The following SASH1 variants were observed in gnomAD, a reference collection of about 807,000 sequenced individuals.
The protein encoded by SASH1 is SAM and SH3 domain-containing protein 1.
Under a neutral mutation model 125.2 loss-of-function variants are expected in SASH1, and 44 were observed. The ratio of observed to expected loss-of-function variants is 0.35; its 90% CI spans 0.28 to 0.45. SASH1 has a LOEUF of 0.45. Ranked by LOEUF, SASH1 falls within the 20% of genes least tolerant of loss-of-function variation. The probability of loss-of-function intolerance (pLI) is 1.00; values close to 1 mark genes in which losing one functional copy is unlikely to be tolerated. For missense variants in SASH1, 1,426 were observed against 1,614.5 expected, an observed-to-expected ratio of 0.88 and a Z score of 2.00; for synonymous variants, 639 against 649.1, an observed-to-expected ratio of 0.98 and a Z score of 0.24.
intron 8 of SASH1, among the ~76,000 whole-genome samples, chr6:148,505,528 C>T: frequency 6.6e-6 from 1 of 152,126 alleles, no homozygotes; most frequent in East Asian, 1.9e-4. Context: ...CCAGGCTGGT[C>T]TTGAACTCCT....
the SASH1 span, among the ~76,000 whole-genome samples, chr6:148,209,644 C>T: frequency 6.6e-6 from 1 of 152,192 alleles, no homozygotes; most frequent in East Asian, 1.9e-4. Flanking sequence ...ATATCTCAAG[C>T]CTCCGGAATA....
intron 2 of SASH1, among the ~76,000 whole-genome samples, chr6:148,412,438 G>A (rs558955559): frequency 6.6e-6 from 1 of 152,262 alleles, no homozygotes; most frequent in African/African-American, 2.4e-5. Flanking sequence ...GATATAAAGT[G>A]ATTTGATGAA....
chr6:148,271,004 G>A (rs1779049810), upstream of SASH1, among the ~76,000 whole-genome samples: 1 of 151,766 alleles, frequency 6.6e-6, no homozygotes, highest in African/African-American at 2.4e-5. Flanking sequence ...CCGCCTCTTG[G>A]GTTCAAGTGA....
the SASH1 span, among the ~76,000 whole-genome samples, chr6:148,247,445 G>A: frequency 6.6e-6 from 1 of 152,210 alleles, no homozygotes; most frequent in Non-Finnish European, 1.5e-5. Flanking sequence ...ACGCTGTGAT[G>A]GCAGAAGTCA....
intron 8 of SASH1, among the ~76,000 whole-genome samples, chr6:148,505,572 A>G (rs1779751382): frequency 6.6e-6 from 1 of 151,228 alleles, no homozygotes; most frequent in African/African-American, 2.4e-5. Flanking sequence ...TGGCCTCCCA[A>G]AGTGCTGGGA....
In SASH1 at chr6:148,548,547, G is replaced by A. The variant is rs1457600502; in HGVS notation, c.3733G>A (p.Glu1245Lys). 1.9e-6 allele frequency: 3 copies of A among 1,604,844 alleles called. No homozygotes were observed. In the Admixed American group the frequency reaches 5.1e-5, roughly 27 times the overall value. Residue 1245 changes from glutamate (E) to lysine (K), a missense_variant, in exon 20 of 20, where the codon GAG (glutamate) becomes AAG (lysine). By Grantham distance (56) the Glu-to-Lys change is moderately conservative. This residue lies in a region of SASH1 where 634 missense variants were observed against 694.4 expected (regional missense o/e 0.91). Coordinates refer to ENST00000367467, the MANE Select transcript of SASH1 (RefSeq NM_015278.5). ...ACTCTTCAAACTGCCGCCAGGCCCT[G>A]AGGCCATGTAGCCAGGCCCGGAATG... Reference protein sequence around the residue: ...ARLFKLPPGPEAM With the variant: ...ARLFKLPPGPKAM
intron 1 of SASH1, among the ~76,000 whole-genome samples, chr6:148,358,214 A>G (rs1259575236): frequency 3.3e-5 from 5 of 152,256 alleles, no homozygotes; most frequent in African/African-American, 9.6e-5. Context: ...AGTATGTTCT[A>G]TTTCAAGTCT....
chr6:148,440,153 T>A, intron 2 of SASH1, 31 bp from the exon 3 acceptor site: 3 of 1,610,610 alleles, frequency 1.9e-6, no homozygotes, highest in Non-Finnish European at 2.5e-6. Context: ...TGTTTGGAAG[T>A]CCCGTTAAAC....
chr6:148,446,892 C>T (rs955900000), intron 4 of SASH1, among the ~76,000 whole-genome samples: 5 of 152,192 alleles, frequency 3.3e-5, no homozygotes, highest in Non-Finnish European at 5.9e-5. Flanking sequence ...AGTTAAGAAC[C>T]CATAACCCTA....
At chr6:148,236,232 T>G in the SASH1 span, among the ~76,000 whole-genome samples, 75 of 151,992 alleles carry the variant, frequency 4.9e-4, no homozygotes, top group Non-Finnish European at 9.3e-4. Context: ...TTTTTTTTTT[T>G]GAGATGGACT....
chr6:148,195,901 A>C, the SASH1 span, among the ~76,000 whole-genome samples: 1 of 152,190 alleles, frequency 6.6e-6, no homozygotes, highest in African/African-American at 2.4e-5. Context: ...GTGGCTTTCT[A>C]TCATAATTAA....
intron 2 of SASH1, among the ~76,000 whole-genome samples, chr6:148,400,745 T>C (rs1303560963): frequency 6.6e-6 from 1 of 152,010 alleles, no homozygotes. Flanking sequence ...AGTGAGACTT[T>C]GTCTGGGGGA....
At chr6:148,454,133 C>T (rs1481221109) in intron 4 of SASH1, among the ~76,000 whole-genome samples, 4 of 152,096 alleles carry the variant, frequency 2.6e-5, no homozygotes, top group East Asian at 1.9e-4. Context: ...GCTTCAGCTT[C>T]GCGGGTGCAG....
chr6:148,402,653 CGCCCAGGCTGGAA>C (rs1784219123), intron 2 of SASH1, among the ~76,000 whole-genome samples: 1 of 142,770 alleles, frequency 7.0e-6, no homozygotes, highest in Non-Finnish European at 1.5e-5. Flanking sequence ...CTCGCTCGGT[CGCCCAGGCTGGAA>C]TGCAGTGGCA....
At chr6:148,470,940 C>T (rs563426601) in intron 5 of SASH1, among the ~76,000 whole-genome samples, 1 of 152,320 alleles carries the variant, frequency 6.6e-6, no homozygotes, top group East Asian at 1.9e-4. Context: ...CAACCATTCT[C>T]TTCTTGTTGT....
chr6:148,268,785 T>A (rs1462593255), upstream of SASH1, among the ~76,000 whole-genome samples: 1 of 152,218 alleles, frequency 6.6e-6, no homozygotes, highest in Non-Finnish European at 1.5e-5. Context: ...TATATTTATT[T>A]CTAAGCTTTT....
intron 1 of SASH1, among the ~76,000 whole-genome samples, chr6:148,351,141 C>T (rs1781710329): frequency 6.7e-6 from 1 of 149,336 alleles, no homozygotes; most frequent in Non-Finnish European, 1.5e-5. Flanking sequence ...CTCTGAGACT[C>T]AGAAGACAAA....
At chr6:148,216,994 T>C in the SASH1 span, among the ~76,000 whole-genome samples, 1 of 152,174 alleles carries the variant, frequency 6.6e-6, no homozygotes, top group Non-Finnish European at 1.5e-5. Flanking sequence ...CCCAGAGTGC[T>C]GGGATTATAG....
intron 1 of SASH1, among the ~76,000 whole-genome samples, chr6:148,285,396 A>G (rs979974749): frequency 6.6e-6 from 1 of 152,216 alleles, no homozygotes; most frequent in African/African-American, 2.4e-5. Flanking sequence ...CGAGATAAGC[A>G]TCTAGCATCC....
Sources: allele counts gnomAD v4.1 joint callset (sites outside exome capture counted in the v4.1 genomes callset), GRCh38; gene constraint gnomAD v4.1.1; regional missense constraint gnomAD v4.1.1; transcripts MANE v1.5; gene names NCBI Gene and HGNC (gene_info 2026-07-23, HGNC 2026-07-21).